The following RIMS2 variants were observed in gnomAD, a reference collection of about 807,000 sequenced individuals.
RIMS2 encodes regulating synaptic membrane exocytosis 2.
RIMS2 carries 59 observed loss-of-function variants against 174.4 expected under a neutral mutation model. The observed-to-expected ratio is 0.34, with a 90% CI of 0.27 to 0.42. The LOEUF (loss-of-function observed/expected upper bound fraction) is 0.42. RIMS2 is among the 10% of genes least tolerant of loss of function. RIMS2 has a pLI of 1.00. For missense variants in RIMS2, 1,620 were observed against 1,666.3 expected, an observed-to-expected ratio of 0.97 and a Z score of 0.48; for synonymous variants, 606 against 572.5, an observed-to-expected ratio of 1.06 and a Z score of -0.84.
At chr8:103,968,840 T>C (rs2092490439) in intron 15 of RIMS2, among the ~76,000 whole-genome samples, 1 of 152,082 alleles carries the variant, frequency 6.6e-6, no homozygotes, top group Admixed American at 6.5e-5. Context: ...TTCTGACCTA[T>C]ATCTTTTTCA....
chr8:103,894,923 T>C (rs1358936643), intron 4 of RIMS2, among the ~76,000 whole-genome samples: 1 of 151,650 alleles, frequency 6.6e-6, no homozygotes, highest in Non-Finnish European at 1.5e-5. Flanking sequence ...TAAAGTTATC[T>C]TGAGATCAGT....
chr8:103,622,943 A>G (rs181024197), intron 1 of RIMS2, among the ~76,000 whole-genome samples: 1 of 152,358 alleles, frequency 6.6e-6, no homozygotes, highest in Admixed American at 6.5e-5. Flanking sequence ...GATGGCTGTC[A>G]AAGGAACCTG....
intron 19 of RIMS2, among the ~76,000 whole-genome samples, chr8:104,228,068 G>A (rs181719850): frequency 1.2e-4 from 16 of 137,440 alleles, no homozygotes; most frequent in African/African-American, 3.9e-4. Context: ...TTGCTCTGTC[G>A]CCCAGGCTGG....
At chr8:103,798,645 G>A (rs1211936990) in intron 3 of RIMS2, among the ~76,000 whole-genome samples, 1 of 152,136 alleles carries the variant, frequency 6.6e-6, no homozygotes, top group Non-Finnish European at 1.5e-5. Flanking sequence ...ATTACAGAAA[G>A]GATATGGTGC....
intron 19 of RIMS2, among the ~76,000 whole-genome samples, chr8:104,103,221 G>T (rs1449791661): frequency 2.0e-5 from 3 of 152,110 alleles, no homozygotes; most frequent in Non-Finnish European, 4.4e-5. Context: ...GTTGCCAGGG[G>T]TTAAGGGGAA....
chr8:103,972,921 T>C (rs546093359), intron 15 of RIMS2, among the ~76,000 whole-genome samples: 9 of 152,308 alleles, frequency 5.9e-5, no homozygotes, highest in African/African-American at 9.6e-5. Flanking sequence ...AATAAACATG[T>C]TTAAAATTTA....
chr8:103,527,641 T>C (rs1834741372), intron 1 of RIMS2, among the ~76,000 whole-genome samples: 1 of 152,046 alleles, frequency 6.6e-6, no homozygotes, highest in South Asian at 2.1e-4. Context: ...ACATGTGGTG[T>C]TTGGTTTTCT....
chr8:103,856,130 C>G (rs1209359478), intron 3 of RIMS2, among the ~76,000 whole-genome samples: 1 of 152,036 alleles, frequency 6.6e-6, no homozygotes, highest in Non-Finnish European at 1.5e-5. Context: ...ATGTCTTTGT[C>G]TTTCTTACAT....
intron 1 of RIMS2, among the ~76,000 whole-genome samples, chr8:103,551,654 C>G (rs548219379): frequency 9.0e-4 from 137 of 152,260 alleles, no homozygotes; most frequent in African/African-American, 3.2e-3. Flanking sequence ...AAGAAGAAGT[C>G]AAATTGTCCT....
intron 1 of RIMS2, among the ~76,000 whole-genome samples, chr8:103,627,532 T>C (rs930253953): frequency 6.6e-6 from 1 of 152,202 alleles, no homozygotes; most frequent in Admixed American, 6.5e-5. Flanking sequence ...TCTTCACAAT[T>C]TATGTTCAGA....
At chr8:103,685,807 C>G (rs754933409) in intron 1 of RIMS2, among the ~76,000 whole-genome samples, 2 of 151,832 alleles carry the variant, frequency 1.3e-5, no homozygotes, top group Non-Finnish European at 2.9e-5. Flanking sequence ...TTTGTTTATT[C>G]CAGGATTTTG....
chr8:103,801,770 G>A (rs1460967097), intron 3 of RIMS2, among the ~76,000 whole-genome samples: 1 of 152,068 alleles, frequency 6.6e-6, no homozygotes, highest in African/African-American at 2.4e-5. Context: ...TAGTGAAGCC[G>A]TTATCCATTT....
rs76249834 is a variant in RIMS2, at chr8:104,166,694, T to C, written c.3335-78222T>C. 5.6e-3 allele frequency among the ~76,000 whole-genome samples: 858 copies of C among 151,908 alleles called. 8 individuals carry two copies. Among genetic ancestry groups the C allele is most frequent in the Non-Finnish European group, 0.01 (706 of 67,926 alleles). ...GCATAGAGTATAAGAGATAGAGTTA[T>C]AAATATAAGGTAGAGTTACACAGTT... On this transcript the variant is annotated intron_variant, in intron 19 of 23. Coordinates refer to ENST00000504942, the Ensembl canonical transcript of RIMS2.
intron 1 of RIMS2, among the ~76,000 whole-genome samples, chr8:103,529,264 G>T (rs1484732575): frequency 1.3e-5 from 2 of 152,176 alleles, no homozygotes; most frequent in African/African-American, 4.8e-5. Context: ...CTTTGCTGAA[G>T]TTGCTTATCA....
intron 14 of RIMS2, among the ~76,000 whole-genome samples, chr8:103,960,384 T>C (rs2089573391): frequency 6.6e-6 from 1 of 152,192 alleles, no homozygotes; most frequent in Non-Finnish European, 1.5e-5. Context: ...TAACTATGAG[T>C]GCCTTTCCTA....
intron 1 of RIMS2, among the ~76,000 whole-genome samples, chr8:103,667,160 T>C (rs1401887962): frequency 2.0e-5 from 3 of 152,134 alleles, no homozygotes; most frequent in Non-Finnish European, 2.9e-5. Context: ...AGCAACCTAT[T>C]TGTTAATCCC....
At chr8:103,840,353 T>C (rs1230266332) in intron 3 of RIMS2, among the ~76,000 whole-genome samples, 2 of 152,224 alleles carry the variant, frequency 1.3e-5, no homozygotes, top group Admixed American at 1.3e-4. Context: ...CTAAAAATCT[T>C]TGGTTATTTC....
intron 1 of RIMS2, among the ~76,000 whole-genome samples, chr8:103,662,062 A>AT (rs1339685089): frequency 6.6e-6 from 1 of 152,246 alleles, no homozygotes; most frequent in African/African-American, 2.4e-5. Context: ...TCGGCCACAC[A>AT]TAAAATACAG....
chr8:103,829,837 C>T (rs1238484830), intron 3 of RIMS2, among the ~76,000 whole-genome samples: 1 of 151,960 alleles, frequency 6.6e-6, no homozygotes. Flanking sequence ...CACATGTACC[C>T]CCAAACCTAA....
Sources: allele counts gnomAD v4.1 joint callset (sites outside exome capture counted in the v4.1 genomes callset), GRCh38; gene constraint gnomAD v4.1.1; transcripts MANE v1.5; gene names NCBI Gene and HGNC (gene_info 2026-07-23, HGNC 2026-07-21).